The following PLCB1 variants were observed in gnomAD, a reference collection of about 807,000 sequenced individuals.
PLCB1 encodes 1-phosphatidylinositol 4,5-bisphosphate phosphodiesterase beta-1.
In PLCB1, 46 loss-of-function variants were observed where a neutral mutation model predicts 161.8. The observed-to-expected ratio is 0.28, with a 90% CI of 0.22 to 0.36. The LOEUF (loss-of-function observed/expected upper bound fraction) is 0.36, where lower values mean the gene tolerates loss of function less well. Ranked by LOEUF, PLCB1 falls within the 10% of genes least tolerant of loss-of-function variation. PLCB1 has a pLI of 1.00. For missense variants in PLCB1, 1,016 were observed against 1,472.5 expected (o/e 0.69, Z 5.07); for synonymous variants, 517 against 503.7 (o/e 1.03, Z -0.35).
chr20:8,557,473 C>T (rs570555827), intron 3 of PLCB1, among the ~76,000 whole-genome samples: 11 of 152,074 alleles, frequency 7.2e-5, no homozygotes, highest in East Asian at 1.9e-4. Flanking sequence ...TGATTCCACT[C>T]GTATGAGATA....
At chr20:8,637,737 A>G (rs1988807798) in intron 4 of PLCB1, among the ~76,000 whole-genome samples, 1 of 152,244 alleles carries the variant, frequency 6.6e-6, no homozygotes, top group African/African-American at 2.4e-5. Flanking sequence ...AAATAATCTG[A>G]TATATTCTAA....
chr20:8,714,363 G>A lies in PLCB1; in HGVS notation c.1251-1901G>A, dbSNP rs747387050. On this transcript the variant is annotated intron_variant, in intron 12 of 31. Transcript: ENST00000338037. ...TCTTTAGTGCACTCTGGAACATGTC[G>A]TCCCAGCACAACTGTACTTCTTATC... Among the ~76,000 whole-genome samples, 4 of 152,088 alleles carry A rather than the reference G, an allele frequency of 2.6e-5. No individual in the cohort carries two copies. The East Asian group carries it at 7.7e-4, about 29-fold the overall frequency.
chr20:8,805,559 CAT>C (rs1172738888), intron 31 of PLCB1, among the ~76,000 whole-genome samples: 1 of 152,202 alleles, frequency 6.6e-6, no homozygotes, highest in African/African-American at 2.4e-5. Flanking sequence ...TTTTCTGACA[CAT>C]AATACTAAAA....
intron 3 of PLCB1, among the ~76,000 whole-genome samples, chr20:8,539,788 CCTTT>C (rs1049230877): frequency 9.3e-5 from 14 of 150,120 alleles, no homozygotes; most frequent in African/African-American, 3.5e-4. Flanking sequence ...TTCCTTCCTT[CCTTT>C]CTCTCTTCCA....
intron 2 of PLCB1, among the ~76,000 whole-genome samples, chr20:8,208,408 G>C (rs1978641640): frequency 1.3e-5 from 2 of 152,060 alleles, no homozygotes; most frequent in South Asian, 2.1e-4. Flanking sequence ...GAAGGGGAAG[G>C]GAGGAGGCGG....
chr20:8,814,749 A>T (rs1354163519), intron 31 of PLCB1, among the ~76,000 whole-genome samples: 3 of 152,216 alleles, frequency 2.0e-5, no homozygotes, highest in African/African-American at 7.2e-5. Context: ...TCCCATAAAT[A>T]TCCTCTTACT....
chr20:8,153,538 G>A (rs910966105), intron 2 of PLCB1, among the ~76,000 whole-genome samples: 32 of 152,248 alleles, frequency 2.1e-4, no homozygotes, highest in Non-Finnish European at 2.9e-5. Context: ...TGTTAGCTGT[G>A]AAAACCATGT....
At chr20:8,357,063 A>T (rs900608439) in intron 2 of PLCB1, among the ~76,000 whole-genome samples, 2 of 152,232 alleles carry the variant, frequency 1.3e-5, no homozygotes, top group Non-Finnish European at 2.9e-5. Context: ...TGAAAAAGCG[A>T]TCTATCTTCT....
chr20:8,623,527 A>T (rs1422268171), intron 3 of PLCB1, among the ~76,000 whole-genome samples: 1 of 152,196 alleles, frequency 6.6e-6, no homozygotes, highest in Non-Finnish European at 1.5e-5. Flanking sequence ...TTGTTATGGT[A>T]ATGCCACTGC....
chr20:8,509,171 C>G (rs2122842152), intron 3 of PLCB1, among the ~76,000 whole-genome samples: 1 of 152,214 alleles, frequency 6.6e-6, no homozygotes, highest in Non-Finnish European at 1.5e-5. Flanking sequence ...AGCAATTCAA[C>G]ATTAAACCTC....
At chr20:8,271,412 T>C (rs1982273926) in intron 2 of PLCB1, among the ~76,000 whole-genome samples, 1 of 152,148 alleles carries the variant, frequency 6.6e-6, no homozygotes, top group African/African-American at 2.4e-5. Flanking sequence ...TAATTCCTGA[T>C]AGAATTAAGA....
chr20:8,306,881 A>G (rs1395780141), intron 2 of PLCB1, among the ~76,000 whole-genome samples: 2 of 152,222 alleles, frequency 1.3e-5, no homozygotes, highest in Non-Finnish European at 2.9e-5. Flanking sequence ...GCATTAACCA[A>G]ATCCTCAAGA....
At position 8,359,334 on chromosome 20, in the gene PLCB1, A is replaced by T. The variant is rs1986465083; in HGVS notation, c.178-12048A>T. 2.0e-5 allele frequency among the ~76,000 whole-genome samples: 3 copies of T among 152,142 alleles called. No homozygotes were observed. In the South Asian group the frequency reaches 6.2e-4, roughly 31 times the overall value. The stretch of plus-strand genomic sequence containing the variant: ...TTTATCAACTTTGGAGTAGAGCTTT[A>T]TATATTCTGTTATGGATAGTTTTTT... On this transcript the variant is annotated intron_variant, in intron 2 of 31. Coordinates refer to ENST00000338037, the MANE Select transcript of PLCB1 (RefSeq NM_015192.4).
chr20:8,695,772 A>T (rs1600257218), intron 10 of PLCB1, among the ~76,000 whole-genome samples: 2 of 152,322 alleles, frequency 1.3e-5, no homozygotes, highest in African/African-American at 4.8e-5. Flanking sequence ...AATAGGGAAA[A>T]CCAAAGACTT....
intron 3 of PLCB1, among the ~76,000 whole-genome samples, chr20:8,380,889 A>T (rs550058975): frequency 6.6e-6 from 1 of 152,290 alleles, no homozygotes; most frequent in Non-Finnish European, 1.5e-5. Flanking sequence ...GTTGCTGCAG[A>T]CAGAGACAAG....
chr20:8,814,047 T>A (rs1185470697), intron 31 of PLCB1, among the ~76,000 whole-genome samples: 2 of 152,078 alleles, frequency 1.3e-5, no homozygotes, highest in African/African-American at 4.8e-5. Flanking sequence ...CAGCTGGGAG[T>A]TTTAGAAATG....
intron 2 of PLCB1, among the ~76,000 whole-genome samples, chr20:8,300,732 T>A (rs1339316814): frequency 6.6e-6 from 1 of 152,056 alleles, no homozygotes; most frequent in East Asian, 1.9e-4. Context: ...AGAAAGGAGC[T>A]CCCTTTTGTT....
rs33921129 is a variant in PLCB1, at chr20:8,685,317, CCA to C, written c.1009+241_1009+242del. ...AGTTTTTAAGTCTTCTAAAATGCAA[CCA>C]CGGCTGACATTTTCAGATCAATGGG... On this transcript the variant is annotated intron_variant, in intron 10 of 31. Coordinates refer to ENST00000338037, the MANE Select transcript of PLCB1 (RefSeq NM_015192.4). 0.66 allele frequency among the ~76,000 whole-genome samples: 99,544 copies of C among 151,490 alleles called. 33,793 individuals are homozygous for C. Among genetic ancestry groups the C allele is most frequent in the South Asian group, 0.78 (3,751 of 4,812 alleles).
intron 3 of PLCB1, among the ~76,000 whole-genome samples, chr20:8,603,485 C>A (rs545585353): frequency 3.2e-4 from 49 of 152,294 alleles, no homozygotes; most frequent in African/African-American, 1.1e-3. Context: ...GCTCTCTCTA[C>A]AAAGAGGAGG....
Sources: gnomAD v4.1 joint callset for allele counts (sites outside exome capture counted in the v4.1 genomes callset) on GRCh38, gnomAD v4.1.1 for gene constraint, MANE v1.5 for transcripts, NCBI Gene and HGNC (gene_info 2026-07-23, HGNC 2026-07-21) for gene names.